MYO1E: variants seen among roughly 807,000 people sequenced by gnomAD.
The protein encoded by MYO1E is unconventional myosin-Ie.
MYO1E carries 68 observed loss-of-function variants against 151.1 expected under a neutral mutation model. The ratio of observed to expected loss-of-function variants is 0.45; its 90% CI spans 0.37 to 0.55. The LOEUF (loss-of-function observed/expected upper bound fraction) is 0.55, where lower values mean the gene tolerates loss of function less well. Among genes scored for constraint, MYO1E ranks in the 20% least tolerant of loss-of-function variants. The pLI is 0.00. For missense variants in MYO1E, 1,363 were observed against 1,389.3 expected (o/e 0.98, Z 0.30); for synonymous variants, 601 against 501.7 (o/e 1.20, Z -2.64).
At chr15:59,186,602 T>A (rs796899178) in intron 18 of MYO1E, among the ~76,000 whole-genome samples, 3 of 152,038 alleles carry the variant, frequency 2.0e-5, no homozygotes, top group Admixed American at 2.0e-4. Flanking sequence ...AAGTAAAAAG[T>A]CATCTGGGCA....
intron 26 of MYO1E, among the ~76,000 whole-genome samples, chr15:59,140,754 CACTG>C (rs2079404056): frequency 6.6e-6 from 1 of 152,158 alleles, no homozygotes; most frequent in South Asian, 2.1e-4. Flanking sequence ...CTGGGGGGAA[CACTG>C]ACTGCCAGCA....
chr15:59,182,262 G>C (rs903820006), intron 18 of MYO1E, among the ~76,000 whole-genome samples: 13 of 151,996 alleles, frequency 8.6e-5, no homozygotes, highest in African/African-American at 2.9e-4. Context: ...GCCCAGGCTG[G>C]AGTGCAGTGG....
chr15:59,165,915 T>C (rs2079560698), intron 22 of MYO1E, among the ~76,000 whole-genome samples: 1 of 152,246 alleles, frequency 6.6e-6, no homozygotes, highest in African/African-American at 2.4e-5. Flanking sequence ...CTTTGGCATG[T>C]CTGGTCATGC....
chr15:59,142,176 G>C (rs1440376471), intron 26 of MYO1E, among the ~76,000 whole-genome samples: 3 of 151,900 alleles, frequency 2.0e-5, no homozygotes, highest in African/African-American at 4.8e-5. Flanking sequence ...TATTTTTTCT[G>C]AATATTTTCA....
At chr15:59,359,085 A>G (rs1335218283) in intron 1 of MYO1E, among the ~76,000 whole-genome samples, 1 of 152,022 alleles carries the variant, frequency 6.6e-6, no homozygotes, top group Non-Finnish European at 1.5e-5. Context: ...AGTGGTCTCC[A>G]GGATACTTCT....
At chr15:59,218,340 A>C in intron 9 of MYO1E, 1 of 618,288 alleles carries the variant, frequency 1.6e-6, no homozygotes, top group South Asian at 1.5e-5. Flanking sequence ...CCAATAATAC[A>C]AATCAGGGAT....
At chr15:59,214,376 G>GAGT in intron 11 of MYO1E, 62 bp from the exon 12 acceptor site, 8 of 1,275,188 alleles carry the variant, frequency 6.3e-6, no homozygotes, top group Non-Finnish European at 9.1e-6. Context: ...GTCATTTCTG[G>GAGT]AGTGATTTAT....
intron 1 of MYO1E, among the ~76,000 whole-genome samples, chr15:59,323,453 C>G (rs1188667510): frequency 2.6e-5 from 4 of 151,716 alleles, no homozygotes; most frequent in Non-Finnish European, 5.9e-5. Flanking sequence ...GAGATCGAGA[C>G]CATCCTGGTT....
intron 22 of MYO1E, among the ~76,000 whole-genome samples, chr15:59,169,364 G>A (rs2079579175): frequency 6.6e-6 from 1 of 152,206 alleles, no homozygotes; most frequent in African/African-American, 2.4e-5. Context: ...CGCATGTTCA[G>A]TAGTCTGGTA....
intron 1 of MYO1E, among the ~76,000 whole-genome samples, chr15:59,278,956 G>T (rs543598123): frequency 6.6e-6 from 1 of 152,038 alleles, no homozygotes; most frequent in African/African-American, 2.4e-5. Flanking sequence ...TGCTTGGAGT[G>T]GGTGGAAAAG....
At chr15:59,199,999 G>T (rs2079791190) in intron 16 of MYO1E, among the ~76,000 whole-genome samples, 1 of 152,100 alleles carries the variant, frequency 6.6e-6, no homozygotes, top group Non-Finnish European at 1.5e-5. Context: ...ACTCTCTTTA[G>T]GTAAACTGCT....
At position 59,358,288 on chromosome 15, in the gene MYO1E, G is replaced by A. The variant is rs568471818; in HGVS notation, c.3+14210C>T. 8.5e-5 allele frequency among the ~76,000 whole-genome samples: 13 copies of A among 152,208 alleles called. No individual in the cohort carries two copies. In the South Asian group the frequency reaches 2.7e-3, roughly 32 times the overall value. ...GGAGGAAGAGGAGGATGAGGAGGAG[G>A]AGAGAGCTCCCTTTGGTTTACTGGC... On this transcript the variant is annotated intron_variant, in intron 1 of 27. Coordinates refer to ENST00000288235, the MANE Select transcript of MYO1E (RefSeq NM_004998.4).
At chr15:59,197,961 G>T (rs75007523) in intron 16 of MYO1E, among the ~76,000 whole-genome samples, 1,690 of 152,138 alleles carry the variant, frequency 0.011, 39 homozygotes, top group African/African-American at 0.037. Flanking sequence ...TCCCAAGCTC[G>T]AGTGATCCTT....
chr15:59,347,476 C>A (rs140634107), intron 1 of MYO1E, among the ~76,000 whole-genome samples: 2 of 152,278 alleles, frequency 1.3e-5, no homozygotes, highest in East Asian at 3.9e-4. Context: ...AACTTTGACA[C>A]ATTGATTCTA....
chr15:59,257,809 G>A (rs7172489), intron 3 of MYO1E, among the ~76,000 whole-genome samples: 39,221 of 152,116 alleles, frequency 0.26, 5,518 homozygotes, highest in African/African-American at 0.38. Context: ...TGTGATCTCT[G>A]CCTTAACCTT....
At chr15:59,216,662 A>G (rs113303266) in intron 10 of MYO1E, among the ~76,000 whole-genome samples, 4,261 of 15,474 alleles carry the variant, frequency 0.28, 563 homozygotes, top group Middle Eastern at 0.44. Flanking sequence ...GTGTGTGTGT[A>G]TGTGTATATA....
In MYO1E at chr15:59,258,556, C is replaced by A. The variant is rs567150333; in HGVS notation, c.238-2178G>T. Among the ~76,000 whole-genome samples, 43 of 152,262 alleles carry A rather than the reference C, an allele frequency of 2.8e-4. 1 individual carries two copies. The South Asian group carries it at 8.7e-3, about 31-fold the overall frequency. On this transcript the variant is annotated intron_variant, in intron 3 of 27. Transcript: ENST00000288235. ...TGGTTAGGCTACAGTTCACTGTGCA[C>A]AGAGAAACATTTAGCGCTGGGTGTG...
chr15:59,214,351 C>T, intron 11 of MYO1E, 37 bp from the exon 12 acceptor site: 1 of 1,453,850 alleles, frequency 6.9e-7, no homozygotes. Flanking sequence ...AATTCTTTCA[C>T]AAAATCATTT....
chr15:59,342,046 C>T (rs1466910256), intron 1 of MYO1E, among the ~76,000 whole-genome samples: 1 of 152,154 alleles, frequency 6.6e-6, no homozygotes, highest in South Asian at 2.1e-4. Context: ...TTCATTATTG[C>T]CCGTCTTCTG....
Sources: gnomAD v4.1 joint callset for allele counts (sites outside exome capture counted in the v4.1 genomes callset) on GRCh38, gnomAD v4.1.1 for gene constraint, MANE v1.5 for transcripts, NCBI Gene and HGNC (gene_info 2026-07-23, HGNC 2026-07-21) for gene names.